Variants in CORIN observed in about 807,000 individuals in gnomAD.
The protein encoded by CORIN is atrial natriuretic peptide-converting enzyme.
In CORIN, 117 loss-of-function variants were observed where a neutral mutation model predicts 125.3. The observed-to-expected ratio is 0.93, with a 90% CI of 0.80 to 1.09. CORIN has a LOEUF of 1.09. Among genes scored for constraint, CORIN ranks in the 50% least tolerant of loss-of-function variants. The pLI is 0.00. For missense variants in CORIN, 1,253 were observed against 1,306.7 expected (o/e 0.96, Z 0.63); for synonymous variants, 450 against 466.4 (o/e 0.96, Z 0.45).
At chr4:47,751,551 T>C (rs777207906) in intron 4 of CORIN, among the ~76,000 whole-genome samples, 1 of 152,226 alleles carries the variant, frequency 6.6e-6, no homozygotes, top group Non-Finnish European at 1.5e-5. Context: ...ATTGCCTTTT[T>C]ACCCCACCTT....
intron 1 of CORIN, among the ~76,000 whole-genome samples, chr4:47,808,392 A>T (rs540497913): frequency 6.6e-6 from 1 of 152,360 alleles, no homozygotes; most frequent in Non-Finnish European, 1.5e-5. Context: ...TTTCCCGTGG[A>T]TGCAAAGGCA....
At chr4:47,754,017 G>A (rs765962048) in intron 4 of CORIN, among the ~76,000 whole-genome samples, 9 of 152,140 alleles carry the variant, frequency 5.9e-5, no homozygotes, top group African/African-American at 9.7e-5. Flanking sequence ...ACATAATACC[G>A]ATGAATTATT....
At chr4:47,669,857 CCG>C (rs1724664143) in intron 10 of CORIN, among the ~76,000 whole-genome samples, 2 of 152,216 alleles carry the variant, frequency 1.3e-5, no homozygotes, top group Non-Finnish European at 2.9e-5. Flanking sequence ...GCGTGAGCCA[CCG>C]CACCCGGCTT....
intron 3 of CORIN, among the ~76,000 whole-genome samples, chr4:47,785,479 C>A (rs1414124426): frequency 9.2e-5 from 14 of 152,098 alleles, no homozygotes; most frequent in Admixed American, 9.2e-4. Context: ...TGCCCTCATG[C>A]AGAAGAGTTT....
At chr4:47,627,165 T>G (rs576766888) in intron 16 of CORIN, among the ~76,000 whole-genome samples, 1 of 152,216 alleles carries the variant, frequency 6.6e-6, no homozygotes, top group Non-Finnish European at 1.5e-5. Context: ...ATATTTTTAG[T>G]AGAGATGAGG....
chr4:47,643,706 C>T (rs1419125256), intron 14 of CORIN, among the ~76,000 whole-genome samples: 1 of 152,024 alleles, frequency 6.6e-6, no homozygotes, highest in Non-Finnish European at 1.5e-5. Context: ...ACATAGTTCT[C>T]TTTTGGGTTT....
At chr4:47,767,224 G>A (rs751151599) in intron 3 of CORIN, among the ~76,000 whole-genome samples, 7 of 152,038 alleles carry the variant, frequency 4.6e-5, no homozygotes, top group Non-Finnish European at 1.0e-4. Context: ...CTGGGCTTGA[G>A]TTGTCAGATA....
intron 5 of CORIN, among the ~76,000 whole-genome samples, chr4:47,736,278 A>G (rs918602426): frequency 2.0e-5 from 3 of 152,206 alleles, no homozygotes; most frequent in Non-Finnish European, 4.4e-5. Flanking sequence ...CCTCTACTAA[A>G]CAACGTGTGA....
chr4:47,743,470 G>C (rs1250379735), intron 5 of CORIN, among the ~76,000 whole-genome samples: 3 of 152,262 alleles, frequency 2.0e-5, no homozygotes, highest in Non-Finnish European at 4.4e-5. Context: ...GACTGACAAT[G>C]CTAAAGATTG....
At position 47,786,816 on chromosome 4, in the gene CORIN, G is replaced by A. The variant is rs201679081; in HGVS notation, c.318C>T (p.Ser106=). 1 of 1,613,980 alleles carries A rather than the reference G, an allele frequency of 6.2e-7. No homozygotes were observed. The highest frequency in any genetic ancestry group is 8.5e-7 in the Non-Finnish European group (1 of 1,179,864). The change falls in exon 3 of 22, where the codon AGC becomes AGT. Residue 106 remains serine (S), a synonymous_variant. Coordinates refer to ENST00000273857, the MANE Select transcript of CORIN (RefSeq NM_006587.4). ...CGGGATGTGCAGTAGACACCACAGTGCTCTGGTTATAAATTGTATTTGTAA... is the reference window on the plus strand; with the variant it reads ...CGGGATGTGCAGTAGACACCACAGTACTCTGGTTATAAATTGTATTTGTAA... ...VILTNTIYNQ[S]TVVSTAHPDQ...
At chr4:47,824,998 C>T (rs1380259756) in intron 1 of CORIN, among the ~76,000 whole-genome samples, 2 of 152,222 alleles carry the variant, frequency 1.3e-5, no homozygotes, top group Non-Finnish European at 2.9e-5. Context: ...TCCACCAGGG[C>T]AGCCGCAGGT....
intron 19 of CORIN, among the ~76,000 whole-genome samples, chr4:47,616,841 G>A (rs1722084486): frequency 6.6e-6 from 1 of 152,134 alleles, no homozygotes; most frequent in African/African-American, 2.4e-5. Context: ...ATTAAGACAT[G>A]GCATGGTTGC....
At chr4:47,658,171 G>T (rs560671903) in intron 12 of CORIN, among the ~76,000 whole-genome samples, 1 of 152,298 alleles carries the variant, frequency 6.6e-6, no homozygotes, top group South Asian at 2.1e-4. Context: ...TCAAAAGGGA[G>T]AAATTGGCTA....
chr4:47,645,183 T>C lies in CORIN; in HGVS notation c.1855A>G (p.Arg619Gly). The C allele has an allele frequency of 4.4e-6, 7 of 1,593,456 alleles. No homozygotes were observed. Among genetic ancestry groups the C allele is most frequent in the Non-Finnish European group, 6.0e-6 (7 of 1,162,398 alleles). ...TTGGATGGACATTCCCAAAGATCTC[T>C]CTCTTTACAACCTAGAGACAGAAGA... is the stretch of plus-strand genomic sequence containing the variant. The part of the protein sequence containing the change: ...SDEENCGCKE[R>G]DLWECPSNKQ... The change falls in exon 14 of 22, where the codon AGA (arginine) becomes GGA (glycine). Residue 619 changes from arginine (R) to glycine (G), a missense_variant. Arg to Gly is a moderately radical substitution (Grantham distance 125). Transcript: ENST00000273857.
chr4:47,756,953 T>A (rs990460119), intron 4 of CORIN, among the ~76,000 whole-genome samples: 2 of 152,198 alleles, frequency 1.3e-5, no homozygotes, highest in African/African-American at 2.4e-5. Context: ...ATATAGTTGA[T>A]CAGGATCTGA....
At chr4:47,683,950 C>A in intron 6 of CORIN, 112 bp from the exon 7 acceptor site, 1 of 705,126 alleles carries the variant, frequency 1.4e-6, no homozygotes, top group South Asian at 2.0e-5. Context: ...GTAACCTGGT[C>A]CACACCTATT....
At chr4:47,661,012 T>A (rs919910826) in intron 12 of CORIN, among the ~76,000 whole-genome samples, 3 of 151,756 alleles carry the variant, frequency 2.0e-5, no homozygotes, top group South Asian at 4.1e-4. Context: ...AAGAATGAGA[T>A]CCTGTCGTTT....
chr4:47,739,024 A>G (rs1035744791), intron 5 of CORIN, among the ~76,000 whole-genome samples: 3 of 151,902 alleles, frequency 2.0e-5, no homozygotes, highest in African/African-American at 7.2e-5. Flanking sequence ...AGTCTAAGGA[A>G]CAGAAAGAAA....
At chr4:47,826,800 C>T (rs1299925741) in intron 1 of CORIN, among the ~76,000 whole-genome samples, 1 of 152,138 alleles carries the variant, frequency 6.6e-6, no homozygotes, top group Non-Finnish European at 1.5e-5. Flanking sequence ...GAACATCTCG[C>T]TCCATAAAGC....
Sources: allele counts gnomAD v4.1 joint callset (sites outside exome capture counted in the v4.1 genomes callset), GRCh38; gene constraint gnomAD v4.1.1; transcripts MANE v1.5; gene names NCBI Gene and HGNC (gene_info 2026-07-23, HGNC 2026-07-21).